The following PAFAH2 variants were observed in gnomAD, a reference collection of about 807,000 sequenced individuals.
The protein encoded by PAFAH2 is platelet activating factor acetylhydrolase 2, also known as platelet-activating factor acetylhydrolase 2, cytoplasmic.
In PAFAH2, 42 loss-of-function variants were observed where a neutral mutation model predicts 49.0. That is an observed-to-expected ratio of 0.86 (90% CI 0.67 to 1.11). The LOEUF (loss-of-function observed/expected upper bound fraction) is 1.11, where lower values mean the gene tolerates loss of function less well. Among genes scored for constraint, PAFAH2 ranks in the 50% least tolerant of loss-of-function variants. The pLI is 0.00. For synonymous variants in PAFAH2, 184 were observed against 181.3 expected, an observed-to-expected ratio of 1.01 and a Z score of -0.12; for missense variants, 503 against 501.8, an observed-to-expected ratio of 1.00 and a Z score of -0.02.
chr1:25,966,888 C>G (rs550708851), intron 10 of PAFAH2, among the ~76,000 whole-genome samples: 1 of 151,828 alleles, frequency 6.6e-6, no homozygotes, highest in African/African-American at 2.4e-5. Context: ...AAAAATTAGT[C>G]GGGCCTGGTG....
At position 25,982,420 on chromosome 1, in the gene PAFAH2, C is replaced by T. The variant is rs548882707; in HGVS notation, c.610G>A (p.Ala204Thr). 1.9e-6 allele frequency: 3 copies of T among 1,614,186 alleles called. No individual in the cohort carries two copies. The highest frequency in any genetic ancestry group is 2.5e-6 in the Non-Finnish European group (3 of 1,180,030). ...RVLKILQEVTAGQTVFNILPG... is the reference protein window; with the variant it reads ...RVLKILQEVTTGQTVFNILPG... ...AAGATGTTGAAGACAGTCTGCCCAG[C>T]AGTGACCTCTTGCAGGATCTTCAAC... The change falls in exon 7 of 11, where the codon GCT (alanine) becomes ACT (threonine). Residue 204 changes from alanine to threonine, a missense_variant. Transcript: ENST00000374282.
chr1:25,990,086 G>T (rs2049850927), intron 2 of PAFAH2, among the ~76,000 whole-genome samples: 1 of 152,100 alleles, frequency 6.6e-6, no homozygotes, highest in South Asian at 2.1e-4. Context: ...GAGACAGGAA[G>T]TCCAAGGGCT....
chr1:25,975,791 C>A (rs1049343520), intron 8 of PAFAH2, among the ~76,000 whole-genome samples: 2 of 152,188 alleles, frequency 1.3e-5, no homozygotes, highest in African/African-American at 4.8e-5. Flanking sequence ...CTGCTACAAT[C>A]CATTCTTCAC....
rs2049862300 is a variant in PAFAH2 at position 25,990,858 on chromosome 1, TG to T, written c.-43del. 1 of 1,540,016 alleles carries T rather than the reference TG, an allele frequency of 6.5e-7. No individual in the cohort carries two copies. Among genetic ancestry groups the T allele is most frequent in the Admixed American group, 1.7e-5 (1 of 59,586 alleles). ...TCAAATGACTTGCCGGAGCTGAACT[TG>T]CTGGCTGGATGGGGGAACACAGAAC... On this transcript the variant is annotated 5_prime_UTR_variant, in exon 2 of 11. Transcript: ENST00000374282.
intron 10 of PAFAH2, among the ~76,000 whole-genome samples, chr1:25,966,989 G>A (rs1183378690): frequency 2.9e-5 from 4 of 138,734 alleles, no homozygotes; most frequent in African/African-American, 5.2e-5. Flanking sequence ...CCGAGATCGC[G>A]CCACTGCACT....
intron 7 of PAFAH2, among the ~76,000 whole-genome samples, chr1:25,980,004 G>A (rs2049658753): frequency 1.3e-5 from 2 of 152,204 alleles, no homozygotes; most frequent in Non-Finnish European, 2.9e-5. Context: ...TACAAACACT[G>A]TAGTTGGTAA....
intron 10 of PAFAH2, among the ~76,000 whole-genome samples, chr1:25,968,351 G>C (rs1360509380): frequency 1.3e-5 from 2 of 152,052 alleles, no homozygotes; most frequent in African/African-American, 4.8e-5. Context: ...AGGTGGTGTT[G>C]GGAGTCTGAG....
At chr1:25,975,479 G>A (rs889322201) in intron 8 of PAFAH2, among the ~76,000 whole-genome samples, 1 of 152,084 alleles carries the variant, frequency 6.6e-6, no homozygotes, top group Admixed American at 6.6e-5. Flanking sequence ...CTATTTGAGA[G>A]GTTGAGGCAT....
chr1:25,980,869 T>C (rs1351047834), intron 7 of PAFAH2, among the ~76,000 whole-genome samples: 3 of 151,686 alleles, frequency 2.0e-5, no homozygotes, highest in African/African-American at 7.3e-5. Flanking sequence ...TACAAAAAAT[T>C]AGCTGGGCAT....
Position 25,988,302 on chromosome 1 carries a change from C to G in PAFAH2, c.270G>C (p.Trp90Cys). 6.2e-7 allele frequency: 1 copy of G among 1,611,210 alleles called. No homozygotes were observed. The highest frequency in any genetic ancestry group is 1.1e-5 in the South Asian group (1 of 90,546). Residue 90 changes from tryptophan to cysteine, a missense_variant, in exon 4 of 11, where the codon TGG becomes TGC. Transcript: ENST00000374282. ...AGTCCTTTGTCTTAAAGGGGCCATTCCAGCTAACAGGCAGGCGACAAGATC... is the reference window on the plus strand; with the variant it reads ...AGTCCTTTGTCTTAAAGGGGCCATTGCAGCTAACAGGCAGGCGACAAGATC... ...AVGSCRLPVSWNGPFKTKDSG... is the reference protein window; with the variant it reads ...AVGSCRLPVSCNGPFKTKDSG...
chr1:25,972,801 C>T, intron 9 of PAFAH2, 89 bp from the exon 10 acceptor site: 5 of 1,277,184 alleles, frequency 3.9e-6, no homozygotes, highest in Non-Finnish European at 5.6e-6. Context: ...AGGTGCTTTT[C>T]ATGTATTATC....
chr1:25,982,945 A>G (rs1367429835), intron 6 of PAFAH2, among the ~76,000 whole-genome samples: 1 of 151,966 alleles, frequency 6.6e-6, no homozygotes, highest in African/African-American at 2.4e-5. Flanking sequence ...GGAACTTCCC[A>G]TTTTGTTACT....
chr1:25,964,497 G>T (rs905594410), intron 10 of PAFAH2, among the ~76,000 whole-genome samples: 4 of 152,128 alleles, frequency 2.6e-5, no homozygotes, highest in African/African-American at 9.7e-5. Context: ...CCTGAGCCCA[G>T]GAGTTTGAGA....
At chr1:25,981,908 A>C (rs1283241612) in intron 7 of PAFAH2, among the ~76,000 whole-genome samples, 1 of 151,920 alleles carries the variant, frequency 6.6e-6, no homozygotes, top group African/African-American at 2.4e-5. Context: ...ATAATCCCAG[A>C]AACTCAGGAG....
At chr1:25,963,780 C>T (rs1295440844) in intron 10 of PAFAH2, among the ~76,000 whole-genome samples, 1 of 152,212 alleles carries the variant, frequency 6.6e-6, no homozygotes, top group Non-Finnish European at 1.5e-5. Flanking sequence ...GGATTACAGG[C>T]GTGAGCCACG....
At chr1:25,963,573 G>A (rs897831863) in intron 10 of PAFAH2, among the ~76,000 whole-genome samples, 4 of 152,060 alleles carry the variant, frequency 2.6e-5, no homozygotes, top group Non-Finnish European at 5.9e-5. Flanking sequence ...GGTCAATCTC[G>A]GCTCAACGCA....
chr1:25,968,147 C>T (rs866070660), intron 10 of PAFAH2, among the ~76,000 whole-genome samples: 1 of 151,920 alleles, frequency 6.6e-6, no homozygotes, highest in African/African-American at 2.4e-5. Context: ...GCCTGGGTGA[C>T]AGAGTGAGAC....
intron 10 of PAFAH2, among the ~76,000 whole-genome samples, chr1:25,966,352 G>T (rs2049422680): frequency 6.6e-6 from 1 of 152,118 alleles, no homozygotes; most frequent in Non-Finnish European, 1.5e-5. Flanking sequence ...CAATAGCAAA[G>T]ATATGGAATC....
chr1:25,980,679 TACAC>T (rs771069140), intron 7 of PAFAH2, among the ~76,000 whole-genome samples: 1 of 149,614 alleles, frequency 6.7e-6, no homozygotes, highest in Non-Finnish European at 1.5e-5. Context: ...CATATGCACA[TACAC>T]ACACCATTCT....
Sources: allele counts gnomAD v4.1 joint callset (sites outside exome capture counted in the v4.1 genomes callset), GRCh38; gene constraint gnomAD v4.1.1; transcripts MANE v1.5; gene names NCBI Gene and HGNC (gene_info 2026-07-23, HGNC 2026-07-21).